The following TENM2 variants were observed in gnomAD, a reference collection of about 807,000 sequenced individuals.
The protein encoded by TENM2 is teneurin transmembrane protein 2, also known as teneurin-2.
Under a neutral mutation model 245.2 loss-of-function variants are expected in TENM2, and 52 were observed. The ratio of observed to expected loss-of-function variants is 0.21; its 90% CI spans 0.17 to 0.27. TENM2 has a LOEUF of 0.27. TENM2 is among the 10% of genes least tolerant of loss of function. TENM2 has a pLI of 1.00. For synonymous variants in TENM2, 1,363 were observed against 1,438.9 expected, an observed-to-expected ratio of 0.95 and a Z score of 1.19; for missense variants, 3,046 against 3,666.8, an observed-to-expected ratio of 0.83 and a Z score of 4.37.
the TENM2 span, among the ~76,000 whole-genome samples, chr5:167,073,485 T>C: frequency 1.3e-5 from 2 of 152,206 alleles, no homozygotes; most frequent in Admixed American, 6.5e-5. Flanking sequence ...AAGGATTTTC[T>C]TTTTCTTATG....
intron 2 of TENM2, among the ~76,000 whole-genome samples, chr5:167,414,839 G>A (rs1763084431): frequency 6.6e-6 from 1 of 152,106 alleles, no homozygotes; most frequent in African/African-American, 2.4e-5. Flanking sequence ...TCATCCAGAG[G>A]AGCAAGAGTT....
At chr5:168,041,920 G>A (rs1342709938) in intron 5 of TENM2, among the ~76,000 whole-genome samples, 1 of 152,174 alleles carries the variant, frequency 6.6e-6, no homozygotes, top group Non-Finnish European at 1.5e-5. Context: ...GATTGCAAAG[G>A]GGCCTTTGCA....
At chr5:167,545,536 C>T (rs192569389) in intron 2 of TENM2, among the ~76,000 whole-genome samples, 5 of 152,170 alleles carry the variant, frequency 3.3e-5, no homozygotes, top group Admixed American at 1.3e-4. Context: ...ATAAAATAAT[C>T]GTGGTTAATT....
At chr5:167,380,614 C>T (rs1761043017) in intron 2 of TENM2, among the ~76,000 whole-genome samples, 1 of 152,018 alleles carries the variant, frequency 6.6e-6, no homozygotes, top group African/African-American at 2.4e-5. Flanking sequence ...TGGCTCCATT[C>T]AATAAATACA....
intron 2 of TENM2, among the ~76,000 whole-genome samples, chr5:167,415,474 C>T (rs551378137): frequency 1.2e-4 from 19 of 152,240 alleles, no homozygotes; most frequent in African/African-American, 4.1e-4. Flanking sequence ...TTATCATTGA[C>T]ATTTGCAGAG....
the TENM2 span, among the ~76,000 whole-genome samples, chr5:167,278,285 C>T: frequency 0.089 from 13,486 of 152,080 alleles, 783 homozygotes; most frequent in East Asian, 0.19. Flanking sequence ...GCCTGGGTGA[C>T]AGAATGAGAC....
At chr5:167,697,440 C>A (rs971463178) in intron 2 of TENM2, among the ~76,000 whole-genome samples, 2 of 152,178 alleles carry the variant, frequency 1.3e-5, no homozygotes, top group Non-Finnish European at 2.9e-5. Context: ...CTCCCTGAAG[C>A]CATGCTAATT....
intron 2 of TENM2, among the ~76,000 whole-genome samples, chr5:167,769,328 A>G (rs773287244): frequency 1.3e-5 from 2 of 151,608 alleles, no homozygotes; most frequent in Non-Finnish European, 2.9e-5. Context: ...ATCCTCACTC[A>G]CTCTGGTCAT....
intron 2 of TENM2, among the ~76,000 whole-genome samples, chr5:167,458,362 C>T (rs1264427432): frequency 3.4e-5 from 5 of 145,264 alleles, no homozygotes; most frequent in Middle Eastern, 3.7e-3. Context: ...TGGCACGTGC[C>T]TGTGATCCCA....
the TENM2 span, among the ~76,000 whole-genome samples, chr5:167,262,304 G>C: frequency 6.6e-5 from 10 of 151,696 alleles, no homozygotes; most frequent in Non-Finnish European, 1.5e-4. Flanking sequence ...GTTGCAGTGG[G>C]CTGGGATCAC....
At chr5:168,241,166 C>G (rs1029981328) in intron 25 of TENM2, 1 of 152,202 alleles carries the variant, frequency 6.6e-6, no homozygotes, top group African/African-American at 2.4e-5. Flanking sequence ...TAGGAATCTT[C>G]CACTTGAAGT....
chr5:167,229,390 G>A, the TENM2 span, among the ~76,000 whole-genome samples: 1 of 152,232 alleles, frequency 6.6e-6, no homozygotes, highest in Non-Finnish European at 1.5e-5. Flanking sequence ...AGGAATGACA[G>A]TGGTGGGCTG....
At chr5:167,855,427 CAT>C (rs1275462838) in intron 2 of TENM2, among the ~76,000 whole-genome samples, 1 of 151,978 alleles carries the variant, frequency 6.6e-6, no homozygotes, top group Non-Finnish European at 1.5e-5. Flanking sequence ...TATATGCATA[CAT>C]ATATATATGT....
At chr5:167,358,394 A>T (rs1581834191) in intron 1 of TENM2, among the ~76,000 whole-genome samples, 1 of 151,898 alleles carries the variant, frequency 6.6e-6, no homozygotes, top group Admixed American at 6.6e-5. Context: ...CCTCTTTGAC[A>T]TACTTTCTTC....
chr5:167,211,127 C>A, the TENM2 span, among the ~76,000 whole-genome samples: 1 of 152,250 alleles, frequency 6.6e-6, no homozygotes, highest in East Asian at 1.9e-4. Flanking sequence ...TATTTCTTGT[C>A]ACCTGATTTA....
intron 2 of TENM2, among the ~76,000 whole-genome samples, chr5:167,690,483 T>C (rs1757354504): frequency 6.6e-6 from 1 of 152,150 alleles, no homozygotes; most frequent in South Asian, 2.1e-4. Context: ...CTCATATTTA[T>C]ACAGATATCT....
chr5:167,481,327 CT>C (rs541638398), intron 2 of TENM2, among the ~76,000 whole-genome samples: 2 of 152,128 alleles, frequency 1.3e-5, no homozygotes, highest in East Asian at 1.9e-4. Flanking sequence ...TTTTAGAATC[CT>C]TTTTTTAGAA....
chr5:167,553,598 C>T (rs934866997), intron 2 of TENM2, among the ~76,000 whole-genome samples: 4 of 152,174 alleles, frequency 2.6e-5, no homozygotes, highest in Non-Finnish European at 4.4e-5. Flanking sequence ...GAATCATGGA[C>T]GTCATATGTG....
chr5:167,973,724 A>G (rs1363769320), intron 4 of TENM2, among the ~76,000 whole-genome samples: 2 of 152,114 alleles, frequency 1.3e-5, no homozygotes, highest in Non-Finnish European at 2.9e-5. Context: ...AAAGGCCGGA[A>G]GAGCAAGGCT....
Sources: allele counts gnomAD v4.1 joint callset (sites outside exome capture counted in the v4.1 genomes callset), GRCh38; gene constraint gnomAD v4.1.1; transcripts MANE v1.5; gene names NCBI Gene and HGNC (gene_info 2026-07-23, HGNC 2026-07-21).